The following PRDM15 variants were observed in gnomAD, a reference collection of about 807,000 sequenced individuals.
PRDM15 encodes the protein PR/SET domain 15, also known as PR domain zinc finger protein 15.
In PRDM15, 64 loss-of-function variants were observed where a neutral mutation model predicts 128.6. That is an observed-to-expected ratio of 0.50 (90% CI 0.41 to 0.61). The LOEUF (loss-of-function observed/expected upper bound fraction) is 0.61, where lower values mean the gene tolerates loss of function less well. PRDM15 is among the 20% of genes least tolerant of loss of function. PRDM15 has a pLI of 0.00. For synonymous variants in PRDM15, 615 were observed against 621.8 expected (o/e 0.99, Z 0.16); for missense variants, 1,242 against 1,569.1 (o/e 0.79, Z 3.52).
At chr21:41,819,358 C>G (rs553207831) in intron 18 of PRDM15, among the ~76,000 whole-genome samples, 1 of 150,164 alleles carries the variant, frequency 6.7e-6, no homozygotes, top group South Asian at 2.1e-4. Context: ...TTCTCGCTCA[C>G]ATCCCCTCCC....
In PRDM15 at chr21:41,821,098, G is replaced by A. The variant is rs759441794; in HGVS notation, c.2029C>T (p.Arg677Cys). 11 of 1,614,108 alleles carry A rather than the reference G, an allele frequency of 6.8e-6. No homozygotes were observed. In the East Asian group the frequency reaches 1.6e-4, roughly 23 times the overall value. Residue 677 changes from arginine (R) to cysteine (C), a missense_variant, in exon 16 of 24, where the codon CGT (arginine) becomes TGT (cysteine). Arg to Cys is a radical substitution (Grantham distance 180). Coordinates refer to ENST00000398548, the MANE Select transcript of PRDM15 (RefSeq NM_001040424.3). This position sits in a 1 kb window ranked among gnomAD's most constrained non-coding sequence, Gnocchi z 5.4. ...ACGTTGGGGTCCGGCAGGTTTTCACGGTGGATGACCATGTGGGCGTGGTAG... is the reference window on the plus strand; with the variant it reads ...ACGTTGGGGTCCGGCAGGTTTTCACAGTGGATGACCATGTGGGCGTGGTAG... The part of the protein sequence containing the change: ...ATYHAHMVIH[R>C]ENLPDPNVQK...
chr21:41,871,619 G>A, intron 1 of PRDM15: 1 of 1,608,298 alleles, frequency 6.2e-7, no homozygotes, highest in South Asian at 1.1e-5. Context: ...CCCAATCTGG[G>A]ACCTGTAGGC....
Position 41,823,394 on chromosome 21 carries a change from T to A in PRDM15, c.1685A>T (p.Lys562Met). 1 of 1,574,432 alleles carries A rather than the reference T, an allele frequency of 6.4e-7. No individual in the cohort carries two copies. Among genetic ancestry groups the A allele is most frequent in the South Asian group, 1.2e-5 (1 of 85,500 alleles). The change falls in exon 14 of 24, where the codon AAG (lysine) becomes ATG (methionine). Residue 562 changes from lysine to methionine, a missense_variant. By Grantham distance (95) the Lys-to-Met change is moderately conservative (BLOSUM62 -1). Coordinates refer to ENST00000398548, the MANE Select transcript of PRDM15 (RefSeq NM_001040424.3). ...NKHLLTHGDKKYTCEICGRKF... is the reference protein window; with the variant it reads ...NKHLLTHGDKMYTCEICGRKF... ...GCGCCCGCAGATCTCGCAGGTGTACTTCTTGTCGCCGTGGGTGAGCAGGTG... is the reference window on the plus strand; with the variant it reads ...GCGCCCGCAGATCTCGCAGGTGTACATCTTGTCGCCGTGGGTGAGCAGGTG...
At chr21:41,863,227 A>T (rs537867713) in intron 1 of PRDM15, 1 of 152,006 alleles carries the variant, frequency 6.6e-6, no homozygotes, top group South Asian at 2.1e-4. Flanking sequence ...AATCCTGGGA[A>T]GACTTACCTT....
intron 19 of PRDM15, 81 bp downstream of exon 19, chr21:41,815,624 G>A (rs960903219): frequency 3.0e-5 from 47 of 1,551,030 alleles, no homozygotes; most frequent in South Asian, 2.1e-4. Flanking sequence ...GTCTCAAGGC[G>A]GCTCTCTCTT....
intron 6 of PRDM15, among the ~76,000 whole-genome samples, chr21:41,843,028 A>T (rs1204306405): frequency 6.6e-6 from 1 of 150,556 alleles, no homozygotes; most frequent in African/African-American, 2.5e-5. Context: ...CAGGTGATCC[A>T]CCTGCCTCAG....
chr21:41,831,705 G>C lies in PRDM15; in HGVS notation c.1367-3372C>G, dbSNP rs376576729. Among the ~76,000 whole-genome samples, 127 of 152,322 alleles carry C rather than the reference G, an allele frequency of 8.3e-4. 2 individuals carry two copies. In the South Asian group the frequency reaches 0.025, roughly 30 times the overall value. Reference sequence around the variant, plus strand: ...CTATGCCCCATGGGTGCCACCCTCAGGACAGGGGAAGCGCTGGGAGGGGAC... The same window carrying C: ...CTATGCCCCATGGGTGCCACCCTCACGACAGGGGAAGCGCTGGGAGGGGAC... On this transcript the variant is annotated intron_variant, in intron 11 of 23. Transcript: ENST00000398548.
chr21:41,865,114 A>ACTCCTCACTCCCCAGCCCTCTCTGCCG (rs2063958941), intron 1 of PRDM15, among the ~76,000 whole-genome samples: 2 of 128,142 alleles, frequency 1.6e-5, no homozygotes, highest in African/African-American at 6.2e-5. Context: ...CCTCTCTGCC[A>ACTCCTCACTCCCCAGCCCTCTCTGCCG]TGCCTGCTCA....
At chr21:41,846,971 A>G (rs567320180) in intron 6 of PRDM15, 119 bp downstream of exon 6, 3 of 673,934 alleles carry the variant, frequency 4.5e-6, no homozygotes, top group East Asian at 2.8e-5. Flanking sequence ...TTGTGGGGCA[A>G]TGGGGCAGAC....
At position 41,821,882 on chromosome 21, in the gene PRDM15, C is replaced by A. The variant is rs371590501; in HGVS notation, c.1896+21G>T. 1.5e-5 allele frequency: 24 copies of A among 1,612,904 alleles called. No individual in the cohort carries two copies. The highest frequency in any genetic ancestry group is 1.7e-5 in the Admixed American group (1 of 60,026). On this transcript the variant is annotated intron_variant, in intron 15 of 23. Transcript: ENST00000398548. This position sits in a 1 kb window ranked among gnomAD's most constrained non-coding sequence, Gnocchi z 5.4. ...CTTCCTCTCCAGACCACCCAGGCAC[C>A]GCGGGGCAAACCCGCCATACCTGGC...
At chr21:41,867,469 G>T in intron 1 of PRDM15, 1 of 1,011,058 alleles carries the variant, frequency 9.9e-7, no homozygotes, top group Non-Finnish European at 1.5e-6. Context: ...GTCTCACTAT[G>T]TTGCCCAGGC....
chr21:41,867,586 C>T (rs1315922338), intron 1 of PRDM15, among the ~76,000 whole-genome samples: 1 of 152,142 alleles, frequency 6.6e-6, no homozygotes, highest in Non-Finnish European at 1.5e-5. Context: ...GGGAGTACAG[C>T]CGTTGTGCCC....
intron 11 of PRDM15, among the ~76,000 whole-genome samples, chr21:41,834,235 G>A: frequency 1.0e-5 from 1 of 99,716 alleles, no homozygotes; most frequent in East Asian, 2.4e-4. Context: ...CAGGGAGGAA[G>A]AACCAAACCC....
chr21:41,831,605 C>T (rs1007375968), intron 11 of PRDM15, among the ~76,000 whole-genome samples: 5 of 152,216 alleles, frequency 3.3e-5, no homozygotes, highest in East Asian at 3.8e-4. Flanking sequence ...GAGAGCCAGG[C>T]GCTCTCAACT....
In PRDM15 at chr21:41,800,590, C is replaced by G. The variant is rs1307228192; in HGVS notation, c.*650G>C. 4.6e-5 allele frequency: 7 copies of G among 152,116 alleles called. No individual in the cohort carries two copies. Among genetic ancestry groups the G allele is most frequent in the Admixed American group, 3.9e-4 (6 of 15,274 alleles). 9.4% of individuals were successfully genotyped at this position (152,116 alleles called of 1,614,324 possible). On this transcript the variant is annotated 3_prime_UTR_variant, in exon 24 of 24. Coordinates refer to ENST00000398548, the MANE Select transcript of PRDM15 (RefSeq NM_001040424.3). ...TTTTGAGCTGGAGTCAGTGACCTCA[C>G]GTGACCCCTTGCACATGATGACCGT...
chr21:41,879,125 C>A lies in PRDM15; in HGVS notation c.-10+145G>T. 9.6e-7 allele frequency: 1 copy of A among 1,036,348 alleles called. No individual in the cohort carries two copies. The highest frequency in any genetic ancestry group is 3.2e-5 in the South Asian group (1 of 30,828). The allele number at this position is 1,036,348 out of a possible 1,614,324, so 64.2% of individuals were successfully genotyped here. ...AAGAACAGTCGGCATGGCGGCTGGA[C>A]CGGGGCGGCGCGCGGCTGCCGGGCG... On this transcript the variant is annotated intron_variant, in intron 1 of 23. Transcript: ENST00000398548. The surrounding 1 kb of genome is among the most constrained non-coding windows in gnomAD (Gnocchi z 5.1).
At position 41,821,958 on chromosome 21, in the gene PRDM15, T is replaced by A. The variant is rs148259909; in HGVS notation, c.1841A>T (p.Asn614Ile). 6.2e-7 allele frequency: 1 copy of A among 1,614,224 alleles called. No individual in the cohort carries two copies. Among genetic ancestry groups the A allele is most frequent in the Non-Finnish European group, 8.5e-7 (1 of 1,180,042 alleles). The change falls in exon 15 of 24, where the codon AAT becomes ATT. Residue 614 changes from asparagine to isoleucine, a missense_variant. Asn to Ile is a moderately radical substitution (Grantham distance 149). This residue lies in a region of PRDM15 where 602 missense variants were observed against 788.3 expected (regional missense o/e 0.76). Transcript: ENST00000398548. This position sits in a 1 kb window ranked among gnomAD's most constrained non-coding sequence, Gnocchi z 5.4. ...IGISSEENDD[N>I]SDESADSEPH... is the part of the protein sequence containing the mutation. Reference sequence around the variant, plus strand: ...CTCCGAGTCTGCGCTCTCGTCAGAATTGTCATCGTTTTCTTCCGAGGAGAT... The same window carrying A: ...CTCCGAGTCTGCGCTCTCGTCAGAAATGTCATCGTTTTCTTCCGAGGAGAT...
chr21:41,862,375 C>T lies in PRDM15; in HGVS notation c.-9-2003G>A, dbSNP rs1045656026. On this transcript the variant is annotated intron_variant, in intron 1 of 23. Transcript: ENST00000398548. This position sits in a 1 kb window ranked among gnomAD's most constrained non-coding sequence, Gnocchi z 4.1. ...GGAGCCTGCACGAATCCCCTGAGGC[C>T]TTGTGTGGCCGCCTCTCCCCGGGGC... 6.6e-6 allele frequency among the ~76,000 whole-genome samples: 1 copy of T among 152,162 alleles called. No homozygotes were observed. The highest frequency in any genetic ancestry group is 2.4e-5 in the African/African-American group (1 of 41,434).
Position 41,854,526 on chromosome 21 carries a change from AC to A in PRDM15, c.538+39del, listed in dbSNP as rs1252031378. Reference sequence around the variant, plus strand: ...GGGACCATAACCCCTTCGGCGAGGCACAAGGGAAGGTGGGCTCCGGATCGGG... The same window carrying A: ...GGGACCATAACCCCTTCGGCGAGGCAAAGGGAAGGTGGGCTCCGGATCGGG... On this transcript the variant is annotated intron_variant, in intron 5 of 23. Transcript: ENST00000398548. This position sits in a 1 kb window ranked among gnomAD's most constrained non-coding sequence, Gnocchi z 4.6. 6.2e-7 allele frequency: 1 copy of A among 1,607,506 alleles called. No homozygotes were observed. The highest frequency in any genetic ancestry group is 8.5e-7 in the Non-Finnish European group (1 of 1,179,538).
Sources: gnomAD v4.1 joint callset for allele counts (sites outside exome capture counted in the v4.1 genomes callset) on GRCh38, gnomAD v4.1.1 for gene constraint, gnomAD v4.1.1 regional missense constraint, Gnocchi (gnomAD v3.1) non-coding constraint, MANE v1.5 for transcripts, NCBI Gene and HGNC (gene_info 2026-07-23, HGNC 2026-07-21) for gene names.